CTNNA3: variants seen among roughly 807,000 people sequenced by gnomAD.
The protein encoded by CTNNA3 is catenin alpha-3.
CTNNA3 carries 76 observed loss-of-function variants against 95.7 expected under a neutral mutation model. The observed-to-expected ratio is 0.79, with a 90% CI of 0.66 to 0.96. CTNNA3 has a LOEUF of 0.96. Among genes scored for constraint, CTNNA3 ranks in the 40% least tolerant of loss-of-function variants. CTNNA3 has a pLI of 0.00. For missense variants in CTNNA3, 1,191 were observed against 1,089.8 expected, an observed-to-expected ratio of 1.09 and a Z score of -1.31; for synonymous variants, 431 against 374.4, an observed-to-expected ratio of 1.15 and a Z score of -1.74.
chr10:67,347,513 T>C (rs1304573288), intron 5 of CTNNA3, among the ~76,000 whole-genome samples: 2 of 152,182 alleles, frequency 1.3e-5, no homozygotes, highest in African/African-American at 4.8e-5. Context: ...CTCTGTGCCG[T>C]GTACTACTAT....
chr10:66,098,247 A>G lies in CTNNA3; in HGVS notation c.1977+4910T>C, dbSNP rs150699801. On this transcript the variant is annotated intron_variant, in intron 14 of 17. Transcript: ENST00000433211. The stretch of plus-strand genomic sequence containing the variant: ...CTATAATGCTGGCTGTTGCAATAGT[A>G]GATCAATGACAATATTAAGGGATGA... 2.0e-4 allele frequency among the ~76,000 whole-genome samples: 31 copies of G among 152,314 alleles called. No homozygotes were observed. In the East Asian group the frequency reaches 5.6e-3, roughly 27 times the overall value.
intron 1 of CTNNA3, chr10:67,750,633 G>A: frequency 1.3e-6 from 2 of 1,547,494 alleles, no homozygotes; most frequent in Non-Finnish European, 1.8e-6. Context: ...AGGGATACAA[G>A]TCTGGGGATG....
At chr10:66,099,985 A>T (rs1178493868) in intron 14 of CTNNA3, among the ~76,000 whole-genome samples, 2 of 152,158 alleles carry the variant, frequency 1.3e-5, no homozygotes, top group Admixed American at 6.5e-5. Flanking sequence ...GAATAATATT[A>T]ATATAGCAAA....
intron 7 of CTNNA3, among the ~76,000 whole-genome samples, chr10:66,833,094 C>A (rs1427400807): frequency 6.6e-6 from 1 of 152,108 alleles, no homozygotes; most frequent in East Asian, 1.9e-4. Flanking sequence ...GCTTTCAGAT[C>A]ATTGTTTCTG....
intron 7 of CTNNA3, among the ~76,000 whole-genome samples, chr10:67,149,590 A>T (rs1486904698): frequency 6.6e-6 from 1 of 152,164 alleles, no homozygotes. Flanking sequence ...GTCTCAAAAA[A>T]CAAAAAGAAA....
At chr10:66,618,167 A>T (rs1395107316) in intron 10 of CTNNA3, among the ~76,000 whole-genome samples, 1 of 152,070 alleles carries the variant, frequency 6.6e-6, no homozygotes, top group Non-Finnish European at 1.5e-5. Flanking sequence ...TGCCATCCCC[A>T]TCAAGCTACC....
intron 12 of CTNNA3, among the ~76,000 whole-genome samples, chr10:66,293,237 A>T (rs2091716153): frequency 6.6e-6 from 1 of 152,160 alleles, no homozygotes; most frequent in Admixed American, 6.5e-5. Context: ...GGTGGCTGAA[A>T]ATGTAGATTT....
In CTNNA3 at chr10:67,219,680, T is replaced by G; in HGVS notation, c.770A>C (p.Gln257Pro). 1 of 1,614,158 alleles carries G rather than the reference T, an allele frequency of 6.2e-7. No homozygotes were observed. The highest frequency in any genetic ancestry group is 8.5e-7 in the Non-Finnish European group (1 of 1,180,010). ...NALNVISNAS[Q>P]GIQNMTTPPE... is the part of the protein sequence containing the mutation. ...TGGGGTTGTCATATTCTGGATCCCT[T>G]GTGAAGCATTTGAAATTACATTGAG... Residue 257 changes from glutamine to proline, a missense_variant, in exon 6 of 18, where the codon CAA becomes CCA. By Grantham distance (76) the Gln-to-Pro change is moderately conservative. Coordinates refer to ENST00000433211, the MANE Select transcript of CTNNA3 (RefSeq NM_013266.4).
chr10:66,094,357 G>A (rs2081315189), intron 14 of CTNNA3, among the ~76,000 whole-genome samples: 1 of 152,046 alleles, frequency 6.6e-6, no homozygotes, highest in African/African-American at 2.4e-5. Flanking sequence ...TTCATGCTAA[G>A]GGCAAGGGGT....
chr10:66,761,369 T>C (rs1399335656), intron 9 of CTNNA3, among the ~76,000 whole-genome samples: 1 of 152,126 alleles, frequency 6.6e-6, no homozygotes, highest in East Asian at 1.9e-4. Context: ...GAATTTTTGA[T>C]GAGTAAGTCA....
chr10:67,480,907 A>G (rs1429875115), intron 5 of CTNNA3, among the ~76,000 whole-genome samples: 2 of 152,114 alleles, frequency 1.3e-5, no homozygotes, highest in Non-Finnish European at 2.9e-5. Flanking sequence ...AAGTTAATTC[A>G]CCATAATCAT....
At chr10:67,107,368 C>T (rs74233478) in intron 7 of CTNNA3, among the ~76,000 whole-genome samples, 2 of 152,148 alleles carry the variant, frequency 1.3e-5, no homozygotes, top group East Asian at 3.9e-4. Context: ...GAATATTAAT[C>T]CTTTGTTTAA....
intron 13 of CTNNA3, among the ~76,000 whole-genome samples, chr10:66,231,321 C>T (rs141509324): frequency 7.4e-4 from 113 of 152,182 alleles, no homozygotes; most frequent in Middle Eastern, 6.8e-3. Flanking sequence ...CTATATAACC[C>T]TAGTATCTAT....
At chr10:66,511,149 T>A (rs1287894959) in intron 11 of CTNNA3, among the ~76,000 whole-genome samples, 1 of 151,884 alleles carries the variant, frequency 6.6e-6, no homozygotes, top group African/African-American at 2.4e-5. Context: ...ATCCATTTCC[T>A]TTATGTTTTT....
intron 14 of CTNNA3, among the ~76,000 whole-genome samples, chr10:66,095,003 T>C (rs974931460): frequency 2.0e-5 from 3 of 152,078 alleles, no homozygotes; most frequent in Non-Finnish European, 2.9e-5. Flanking sequence ...TTTGAGTAGA[T>C]TAGTGGATTA....
chr10:66,623,991 A>C (rs1259220933), intron 9 of CTNNA3, among the ~76,000 whole-genome samples: 1 of 152,150 alleles, frequency 6.6e-6, no homozygotes, highest in Non-Finnish European at 1.5e-5. Context: ...CTGCTGGTCA[A>C]AGAATACAGC....
chr10:66,638,425 G>A (rs542892885), intron 9 of CTNNA3, among the ~76,000 whole-genome samples: 89 of 152,048 alleles, frequency 5.9e-4, no homozygotes, highest in African/African-American at 2.0e-3. Flanking sequence ...ATATCCTCCC[G>A]CCGCCGCCCA....
intron 9 of CTNNA3, among the ~76,000 whole-genome samples, chr10:66,663,978 T>G (rs568726566): frequency 5.9e-4 from 90 of 152,028 alleles, no homozygotes; most frequent in Non-Finnish European, 1.2e-3. Flanking sequence ...AGAGTAAAAT[T>G]TTTTGCCAGT....
intron 3 of CTNNA3, among the ~76,000 whole-genome samples, chr10:67,599,854 T>A (rs929902997): frequency 2.0e-5 from 3 of 152,106 alleles, no homozygotes; most frequent in African/African-American, 4.8e-5. Flanking sequence ...CTCAGTGGAC[T>A]TTTTTGTAAA....
Sources: gnomAD v4.1 joint callset for allele counts (sites outside exome capture counted in the v4.1 genomes callset) on GRCh38, gnomAD v4.1.1 for gene constraint, MANE v1.5 for transcripts, NCBI Gene and HGNC (gene_info 2026-07-23, HGNC 2026-07-21) for gene names.